Variants in MYRIP observed in about 807,000 individuals in gnomAD.
The protein encoded by MYRIP is rab effector MyRIP.
A neutral mutation model predicts 98.0 loss-of-function variants in MYRIP; 49 were observed. The ratio of observed to expected loss-of-function variants is 0.50; its 90% CI spans 0.40 to 0.63. The LOEUF (loss-of-function observed/expected upper bound fraction) is 0.63, where lower values mean the gene tolerates loss of function less well. Among genes scored for constraint, MYRIP ranks in the 30% least tolerant of loss-of-function variants. MYRIP has a pLI of 0.00. For missense variants in MYRIP, 1,004 were observed against 1,058.2 expected (o/e 0.95, Z 0.71); for synonymous variants, 404 against 409.5 (o/e 0.99, Z 0.16).
At chr3:40,223,972 A>T (rs546504118) in intron 11 of MYRIP, among the ~76,000 whole-genome samples, 2 of 127,624 alleles carry the variant, frequency 1.6e-5, no homozygotes, top group Non-Finnish European at 3.8e-5. Flanking sequence ...GGCAAGCAGG[A>T]AAAAGATCTA....
chr3:40,035,411 G>A (rs1947357337), intron 2 of MYRIP, among the ~76,000 whole-genome samples: 1 of 151,876 alleles, frequency 6.6e-6, no homozygotes, highest in African/African-American at 2.4e-5. Context: ...TGAATGATTT[G>A]CACTGAAAAG....
chr3:40,123,209 T>C (rs570698878), intron 3 of MYRIP, among the ~76,000 whole-genome samples: 1 of 152,354 alleles, frequency 6.6e-6, no homozygotes, highest in South Asian at 2.1e-4. Flanking sequence ...TAAAATGGAT[T>C]CATACATTTT....
intron 3 of MYRIP, among the ~76,000 whole-genome samples, chr3:40,053,858 C>A (rs1288922373): frequency 3.3e-5 from 5 of 152,158 alleles, no homozygotes; most frequent in Non-Finnish European, 1.5e-5. Flanking sequence ...CTTGAAGGCA[C>A]TTGTGTCTAC....
At chr3:39,977,259 C>A (rs1452038767) in intron 2 of MYRIP, among the ~76,000 whole-genome samples, 1 of 151,920 alleles carries the variant, frequency 6.6e-6, no homozygotes, top group Non-Finnish European at 1.5e-5. Flanking sequence ...ATGCTGAGGA[C>A]TAGAAGGAAA....
chr3:40,044,314 G>C, intron 3 of MYRIP, 43 bp downstream of exon 3: 3 of 1,580,670 alleles, frequency 1.9e-6, no homozygotes, highest in Non-Finnish European at 2.6e-6. Context: ...TGTTGATTTA[G>C]AGAGATTCAC....
At chr3:40,138,738 G>A (rs1249937785) in intron 3 of MYRIP, among the ~76,000 whole-genome samples, 1 of 152,126 alleles carries the variant, frequency 6.6e-6, no homozygotes, top group Non-Finnish European at 1.5e-5. Context: ...CATATCACAT[G>A]CAGTGATCAG....
chr3:39,918,879 C>T (rs1280839627), intron 2 of MYRIP, among the ~76,000 whole-genome samples: 2 of 152,054 alleles, frequency 1.3e-5, no homozygotes, highest in Non-Finnish European at 2.9e-5. Flanking sequence ...TGTAGCAGCC[C>T]TCAGGGAGAC....
At chr3:39,868,172 G>C (rs544830201) in intron 1 of MYRIP, among the ~76,000 whole-genome samples, 118 of 152,280 alleles carry the variant, frequency 7.7e-4, no homozygotes, top group Non-Finnish European at 1.4e-3. Flanking sequence ...ACCTAAGCAT[G>C]GGAGGTAGAA....
intron 2 of MYRIP, among the ~76,000 whole-genome samples, chr3:39,966,961 TC>T (rs1307388721): frequency 3.9e-5 from 6 of 152,204 alleles, no homozygotes; most frequent in African/African-American, 9.6e-5. Context: ...TGCCCTTCAC[TC>T]ACATTATACA....
At chr3:39,960,278 T>C (rs1945289622) in intron 2 of MYRIP, among the ~76,000 whole-genome samples, 1 of 152,076 alleles carries the variant, frequency 6.6e-6, no homozygotes, top group African/African-American at 2.4e-5. Context: ...CCCCATTCTT[T>C]CCTGCACCTC....
chr3:39,890,026 T>A, intron 1 of MYRIP, among the ~76,000 whole-genome samples: 1 of 152,166 alleles, frequency 6.6e-6, no homozygotes, highest in East Asian at 1.9e-4. Flanking sequence ...GACTCATTCT[T>A]CTCTACTCCT....
At chr3:40,149,356 G>A (rs908134787) in intron 3 of MYRIP, among the ~76,000 whole-genome samples, 1 of 152,196 alleles carries the variant, frequency 6.6e-6, no homozygotes, top group African/African-American at 2.4e-5. Context: ...AGCCATTCAT[G>A]AGGGATATGC....
chr3:39,963,478 T>C (rs2125735661), intron 2 of MYRIP, among the ~76,000 whole-genome samples: 1 of 152,302 alleles, frequency 6.6e-6, no homozygotes, highest in Admixed American at 6.6e-5. Context: ...ATATTGCATG[T>C]CCTACAGTGT....
intron 2 of MYRIP, among the ~76,000 whole-genome samples, chr3:39,949,107 A>C (rs1465625941): frequency 1.3e-5 from 2 of 152,156 alleles, no homozygotes; most frequent in Admixed American, 6.5e-5. Context: ...CCTTCATTGA[A>C]ATGCAAAAAT....
intron 9 of MYRIP, among the ~76,000 whole-genome samples, chr3:40,187,041 C>A (rs557539766): frequency 6.6e-6 from 1 of 152,278 alleles, no homozygotes; most frequent in East Asian, 1.9e-4. Flanking sequence ...ATTAATATGT[C>A]ATACTGAATA....
At chr3:39,999,749 C>A (rs994198782) in intron 2 of MYRIP, among the ~76,000 whole-genome samples, 2 of 152,054 alleles carry the variant, frequency 1.3e-5, no homozygotes, top group Admixed American at 1.3e-4. Flanking sequence ...CAGCACTATT[C>A]ACGATAGCAA....
At chr3:39,906,541 T>C (rs1451381010) in intron 2 of MYRIP, among the ~76,000 whole-genome samples, 1 of 152,232 alleles carries the variant, frequency 6.6e-6, no homozygotes, top group Non-Finnish European at 1.5e-5. Flanking sequence ...ACTTTGTCTA[T>C]AGCAGTTATG....
chr3:39,842,485 C>T (rs1039695969), intron 1 of MYRIP, among the ~76,000 whole-genome samples: 14 of 152,102 alleles, frequency 9.2e-5, no homozygotes, highest in African/African-American at 2.9e-4. Context: ...GTCTTGCTGC[C>T]GTTTCAGGTG....
intron 2 of MYRIP, among the ~76,000 whole-genome samples, chr3:39,977,646 A>G (rs560495448): frequency 6.6e-6 from 1 of 152,312 alleles, no homozygotes; most frequent in South Asian, 2.1e-4. Flanking sequence ...GGAGATCTCC[A>G]TAAAACTTGA....
Sources: allele counts gnomAD v4.1 joint callset (sites outside exome capture counted in the v4.1 genomes callset), GRCh38; gene constraint gnomAD v4.1.1; transcripts MANE v1.5; gene names NCBI Gene and HGNC (gene_info 2026-07-23, HGNC 2026-07-21).